Variants in NLRP2 observed in about 807,000 individuals in gnomAD.
NLRP2 encodes the protein NACHT, LRR and PYD domains-containing protein 2.
Under a neutral mutation model 97.2 loss-of-function variants are expected in NLRP2, and 107 were observed. The ratio of observed to expected loss-of-function variants is 1.10; its 90% CI spans 0.94 to 1.29. The LOEUF is 1.29. Ranked by LOEUF, NLRP2 falls within the 50% of genes most tolerant of loss-of-function variation. The pLI is 0.00. For missense variants in NLRP2, 1,495 were observed against 1,330.3 expected (o/e 1.12, Z -1.93); for synonymous variants, 663 against 551.5 (o/e 1.20, Z -2.83).
rs370859822 is a variant in NLRP2, at chr19:54,990,706, G to A, written c.2708+34G>A. 2.5e-6 allele frequency: 4 copies of A among 1,606,452 alleles called. No homozygotes were observed. In the Admixed American group the frequency reaches 6.7e-5, roughly 27 times the overall value. On this transcript the variant is annotated intron_variant, in intron 10 of 12. Coordinates refer to ENST00000448584, the MANE Select transcript of NLRP2 (RefSeq NM_017852.5). ...GTGCTGGCTGCCTGTGTGCGTGGGTGTATATGCACACGCCCCCCACCTCCG... is the reference window on the plus strand; with the variant it reads ...GTGCTGGCTGCCTGTGTGCGTGGGTATATATGCACACGCCCCCCACCTCCG...
intron 4 of NLRP2, 108 bp from the exon 5 acceptor site, chr19:54,981,509 G>GCAC: frequency 1.6e-5 from 6 of 386,504 alleles, no homozygotes; most frequent in South Asian, 4.2e-5. Flanking sequence ...CTGATCCCGT[G>GCAC]CCCCCCCTCC....
intron 12 of NLRP2, among the ~76,000 whole-genome samples, chr19:54,999,770 T>G (rs1267861742): frequency 6.6e-6 from 1 of 151,890 alleles, no homozygotes; most frequent in African/African-American, 2.4e-5. Context: ...AAAATCTCAC[T>G]CTATTGCTCA....
intron 6 of NLRP2, among the ~76,000 whole-genome samples, chr19:54,983,957 T>C (rs1191009185): frequency 2.6e-5 from 4 of 152,180 alleles, no homozygotes; most frequent in Admixed American, 2.0e-4. Flanking sequence ...TTCAAGTGAT[T>C]CTTCTGCCTC....
chr19:54,973,655 T>G (rs370841254), intron 2 of NLRP2, among the ~76,000 whole-genome samples: 303 of 152,228 alleles, frequency 2.0e-3, no homozygotes, highest in Middle Eastern at 0.01. Flanking sequence ...ATTACAGGTG[T>G]GAGCAACCAT....
chr19:54,969,857 A>C (rs73932258), intron 1 of NLRP2, 142 bp from the exon 2 acceptor site: 1 of 798,720 alleles, frequency 1.3e-6, no homozygotes, highest in East Asian at 2.6e-5. Flanking sequence ...GGGTCTCACT[A>C]TGTTGCCCAG....
chr19:54,977,360 G>T (rs59004768), intron 3 of NLRP2, among the ~76,000 whole-genome samples: 1 of 151,810 alleles, frequency 6.6e-6, no homozygotes, highest in Non-Finnish European at 1.5e-5. Context: ...GGCGGAGGTT[G>T]CAGTGAGCCG....
chr19:54,977,864 G>A (rs1568482821), intron 4 of NLRP2, 41 bp downstream of exon 4: 3 of 1,577,036 alleles, frequency 1.9e-6, no homozygotes, highest in South Asian at 2.2e-5. Flanking sequence ...AGCTGAGGAA[G>A]CCCCCCGTTC....
rs1319038933 is a variant in NLRP2, at chr19:54,968,339, C to T, written c.-17-1660C>T. 2.6e-5 allele frequency among the ~76,000 whole-genome samples: 4 copies of T among 151,618 alleles called. 1 individual carries two copies. The highest frequency in any genetic ancestry group is 2.4e-5 in the African/African-American group (1 of 41,286). ...GGGATTGCAAGCGTCAGCCACCACC[C>T]CCAGTGTTGTGTTTTTGTTTGTTTT... On this transcript the variant is annotated intron_variant, in intron 1 of 12. Coordinates refer to ENST00000448584, the MANE Select transcript of NLRP2 (RefSeq NM_017852.5).
At chr19:54,980,447 G>A (rs369456475) in intron 4 of NLRP2, among the ~76,000 whole-genome samples, 7 of 152,094 alleles carry the variant, frequency 4.6e-5, no homozygotes, top group African/African-American at 1.4e-4. Flanking sequence ...ACCCGCCTTG[G>A]CCTCCCAAAG....
At position 55,001,063 on chromosome 19, in the gene NLRP2, A is replaced by G. The variant is rs1043684; in HGVS notation, c.*165A>G. 0.37 allele frequency: 231,900 copies of G among 620,660 alleles called. 44,935 individuals carry two copies. The highest frequency in any genetic ancestry group is 0.43 in the Middle Eastern group (1,018 of 2,394). 38.4% of individuals were successfully genotyped at this position (620,660 alleles called of 1,614,324 possible). A position where few individuals can be genotyped will look rare whatever the true frequency, so the allele number is the denominator to read the frequency against. On this transcript the variant is annotated 3_prime_UTR_variant, in exon 13 of 13. Coordinates refer to ENST00000448584, the MANE Select transcript of NLRP2 (RefSeq NM_017852.5). ...CTGCCTCTGTTTTATACCTGCACAC[A>G]TCCTTATCTTTGTTACATATGAAAT...
At chr19:54,978,984 TTC>T (rs2146402369) in intron 4 of NLRP2, among the ~76,000 whole-genome samples, 1 of 152,072 alleles carries the variant, frequency 6.6e-6, no homozygotes, top group Non-Finnish European at 1.5e-5. Flanking sequence ...GATAGGTTTT[TTC>T]TGTTTTTTTT....
intron 11 of NLRP2, among the ~76,000 whole-genome samples, chr19:54,996,093 C>T (rs954441705): frequency 6.8e-6 from 1 of 147,916 alleles, no homozygotes; most frequent in African/African-American, 2.5e-5. Flanking sequence ...CTCACTGACA[C>T]GTGTAGAGGA....
intron 1 of NLRP2, among the ~76,000 whole-genome samples, chr19:54,967,154 A>G (rs867937534): frequency 6.6e-6 from 1 of 151,898 alleles, no homozygotes; most frequent in Non-Finnish European, 1.5e-5. Flanking sequence ...GGCAGGTGCC[A>G]CCGCGCCCGG....
chr19:54,974,365 A>T lies in NLRP2; in HGVS notation c.281-135A>T, dbSNP rs926694379. On this transcript the variant is annotated intron_variant, in intron 2 of 12. Coordinates refer to ENST00000448584, the MANE Select transcript of NLRP2 (RefSeq NM_017852.5). ...CTCTGTCTCAAAAAAAAAAGATGCA[A>T]GCATTTTGAACTGGAAGGAGATAAG... The T allele has an allele frequency of 3.9e-6, 3 of 767,970 alleles. No individual in the cohort carries two copies. In the African/African-American group the frequency reaches 5.2e-5, roughly 13 times the overall value. 47.6% of individuals were successfully genotyped at this position (767,970 alleles called of 1,614,324 possible).
At chr19:54,977,667 T>G (rs2071328194) in intron 3 of NLRP2, 85 bp from the exon 4 acceptor site, 1 of 1,300,634 alleles carries the variant, frequency 7.7e-7, no homozygotes. Flanking sequence ...GCTTCACTAC[T>G]GAGACTCAGG....
chr19:54,995,167 G>A (rs376978811), intron 11 of NLRP2, among the ~76,000 whole-genome samples: 2 of 144,638 alleles, frequency 1.4e-5, no homozygotes, highest in African/African-American at 2.5e-5. Context: ...AAAATTAGCC[G>A]AGCATAGTAG....
intron 9 of NLRP2, 58 bp from the exon 10 acceptor site, chr19:54,990,444 G>A: frequency 1.9e-6 from 3 of 1,570,644 alleles, no homozygotes; most frequent in Admixed American, 1.7e-5. Flanking sequence ...TGTGGAGCTA[G>A]CCGGGAAGGT....
intron 4 of NLRP2, among the ~76,000 whole-genome samples, chr19:54,980,638 T>C (rs1017811552): frequency 2.0e-5 from 3 of 152,214 alleles, no homozygotes; most frequent in East Asian, 1.9e-4. Flanking sequence ...TTCCTGCAGA[T>C]TTTATAGAAT....
intron 2 of NLRP2, among the ~76,000 whole-genome samples, chr19:54,972,737 A>G (rs561817468): frequency 1.8e-4 from 27 of 151,986 alleles, no homozygotes; most frequent in African/African-American, 6.3e-4. Context: ...GGGATCAGAA[A>G]CATGAGCCAC....
Sources: gnomAD v4.1 joint callset for allele counts (sites outside exome capture counted in the v4.1 genomes callset) on GRCh38, gnomAD v4.1.1 for gene constraint, MANE v1.5 for transcripts, NCBI Gene and HGNC (gene_info 2026-07-23, HGNC 2026-07-21) for gene names.